The following TPD52L1 variants were observed in gnomAD, a reference collection of about 807,000 sequenced individuals.
TPD52L1 encodes tumor protein D53.
In TPD52L1, 18 loss-of-function variants were observed where a neutral mutation model predicts 28.7. The observed-to-expected ratio is 0.63, with a 90% CI of 0.43 to 0.93. TPD52L1 has a LOEUF of 0.93. Ranked by LOEUF, TPD52L1 falls within the 40% of genes least tolerant of loss-of-function variation. The probability of loss-of-function intolerance (pLI) is 0.00; values close to 1 mark genes in which losing one functional copy is unlikely to be tolerated. For missense variants in TPD52L1, 203 were observed against 254.8 expected, an observed-to-expected ratio of 0.80 and a Z score of 1.39; for synonymous variants, 75 against 88.8, an observed-to-expected ratio of 0.84 and a Z score of 0.88.
chr6:125,155,232 G>A (rs474451), intron 1 of TPD52L1, among the ~76,000 whole-genome samples: 80,789 of 152,146 alleles, frequency 0.53, 22,814 homozygotes, highest in African/African-American at 0.72. Flanking sequence ...AGGCCTTCAC[G>A]CCAGAACTGA....
In TPD52L1 at chr6:125,201,653, G is replaced by A. The variant is rs532591302; in HGVS notation, c.20-18425G>A. Among the ~76,000 whole-genome samples the A allele has an allele frequency of 9.1e-4, 139 of 152,244 alleles. No homozygotes were observed. The Middle Eastern group carries it at 0.02, about 22-fold the overall frequency. The stretch of plus-strand genomic sequence containing the variant: ...GCTCTTATCCCATTTTGGCTTCTTT[G>A]CAAATATCTTAGATGAAAAACAGTA... On this transcript the variant is annotated intron_variant, in intron 1 of 6. Coordinates refer to ENST00000534000, the MANE Select transcript of TPD52L1 (RefSeq NM_003287.4).
At chr6:125,207,518 T>G (rs1794228791) in intron 1 of TPD52L1, among the ~76,000 whole-genome samples, 1 of 152,216 alleles carries the variant, frequency 6.6e-6, no homozygotes, top group Non-Finnish European at 1.5e-5. Context: ...TTCAAATTTC[T>G]TAATAGTGAA....
At chr6:125,191,438 G>C (rs923776204) in intron 1 of TPD52L1, among the ~76,000 whole-genome samples, 1 of 152,076 alleles carries the variant, frequency 6.6e-6, no homozygotes, top group African/African-American at 2.4e-5. Context: ...CCTTTTCTTT[G>C]ATTTTGAAAG....
At chr6:125,177,131 A>C (rs555249324) in intron 1 of TPD52L1, among the ~76,000 whole-genome samples, 5 of 152,330 alleles carry the variant, frequency 3.3e-5, no homozygotes, top group South Asian at 4.1e-4. Flanking sequence ...GAGTTTTGAG[A>C]TACATTCACC....
At chr6:125,212,725 C>T (rs1363467710) in intron 1 of TPD52L1, among the ~76,000 whole-genome samples, 1 of 152,242 alleles carries the variant, frequency 6.6e-6, no homozygotes, top group Non-Finnish European at 1.5e-5. Context: ...CCCATGAATG[C>T]AGGTCTTCAT....
intron 3 of TPD52L1, among the ~76,000 whole-genome samples, chr6:125,239,441 G>A (rs1040590125): frequency 6.6e-6 from 1 of 152,176 alleles, no homozygotes; most frequent in Non-Finnish European, 1.5e-5. Context: ...TTACATGGCA[G>A]CAGGAAAGAG....
At chr6:125,238,271 G>A (rs1334372234) in intron 3 of TPD52L1, among the ~76,000 whole-genome samples, 1 of 151,986 alleles carries the variant, frequency 6.6e-6, no homozygotes, top group Non-Finnish European at 1.5e-5. Context: ...AATGATGATT[G>A]GTGTTTTTAT....
intron 1 of TPD52L1, among the ~76,000 whole-genome samples, chr6:125,187,936 T>TG (rs1216193629): frequency 2.6e-5 from 4 of 152,104 alleles, no homozygotes; most frequent in African/African-American, 4.8e-5. Flanking sequence ...AGATTTTTTT[T>TG]TTTTTAATGA....
chr6:125,226,020 C>G (rs775134813), intron 2 of TPD52L1, among the ~76,000 whole-genome samples: 5 of 152,096 alleles, frequency 3.3e-5, no homozygotes, highest in African/African-American at 4.8e-5. Context: ...AAGTAAAGAC[C>G]TCATTGTGGC....
In TPD52L1 at chr6:125,263,997, GTAGT is replaced by G. The variant is rs1330040531; in HGVS notation, c.*1040_*1043del. On this transcript the variant is annotated 3_prime_UTR_variant, in exon 7 of 7. Coordinates refer to ENST00000534000, the MANE Select transcript of TPD52L1 (RefSeq NM_003287.4). ...AATTCTCTCCAATCTACATACAGTA[GTAGT>G]TAGTCAGATAAAGGATATCCAAAAA... The G allele has an allele frequency of 2.0e-5, 3 of 152,180 alleles. No individual in the cohort carries two copies. The highest frequency in any genetic ancestry group is 6.5e-5 in the Admixed American group (1 of 15,274). The allele number at this position is 152,180 out of a possible 1,614,324, so 9.4% of individuals were successfully genotyped here. A position where few individuals can be genotyped will look rare whatever the true frequency, so the allele number is the denominator to read the frequency against.
At chr6:125,206,177 A>T (rs1794120302) in intron 1 of TPD52L1, among the ~76,000 whole-genome samples, 1 of 152,204 alleles carries the variant, frequency 6.6e-6, no homozygotes, top group African/African-American at 2.4e-5. Flanking sequence ...TACTATTAAT[A>T]GTGGTGACTC....
Position 125,254,692 on chromosome 6 carries a change from C to T in TPD52L1, c.425+937C>T, listed in dbSNP as rs76563162. Among the ~76,000 whole-genome samples, 249 of 152,302 alleles carry T rather than the reference C, an allele frequency of 1.6e-3. 1 individual carries two copies. The highest frequency in any genetic ancestry group is 0.015 in the East Asian group (78 of 5,186). On this transcript the variant is annotated intron_variant, in intron 5 of 6. Transcript: ENST00000534000. ...TTGAGACCGCCGAAGCCAAATTCTT[C>T]ATATATATAATCTTTTCCTCTGTTT...
intron 1 of TPD52L1, 106 bp downstream of exon 1, chr6:125,154,076 G>C: frequency 6.8e-7 from 1 of 1,467,414 alleles, no homozygotes; most frequent in Non-Finnish European, 9.1e-7. Flanking sequence ...TTGGTGCCGT[G>C]TTGCACATCC....
In TPD52L1 at chr6:125,257,148, C is replaced by T. The variant is rs1583028067; in HGVS notation, c.476C>T (p.Thr159Ile). ...SFEERVETTV[T>I]SLKTKVGGTN... Reference sequence around the variant, plus strand: ...GAGGAGAGGGTTGAGACAACTGTCACAAGCCTCAAGGTACAGATGAAGTGA... The same window carrying T: ...GAGGAGAGGGTTGAGACAACTGTCATAAGCCTCAAGGTACAGATGAAGTGA... Residue 159 changes from threonine to isoleucine, a missense_variant, in exon 6 of 7, where the codon ACA becomes ATA. Transcript: ENST00000534000. The T allele has an allele frequency of 6.2e-7, 1 of 1,611,660 alleles. No individual in the cohort carries two copies. Among genetic ancestry groups the T allele is most frequent in the Non-Finnish European group, 8.5e-7 (1 of 1,178,340 alleles).
intron 1 of TPD52L1, among the ~76,000 whole-genome samples, chr6:125,164,106 G>T (rs1174650019): frequency 6.6e-6 from 1 of 152,138 alleles, no homozygotes; most frequent in East Asian, 1.9e-4. Flanking sequence ...CATATCTTGA[G>T]ATTTCAATTA....
At chr6:125,208,803 G>A in intron 1 of TPD52L1, 5 of 487,666 alleles carry the variant, frequency 1.0e-5, no homozygotes, top group Non-Finnish European at 1.3e-5. Flanking sequence ...GCCTGAGAGT[G>A]GGCCAGGTGC....
At chr6:125,225,700 A>G (rs564600506) in intron 2 of TPD52L1, among the ~76,000 whole-genome samples, 3 of 152,262 alleles carry the variant, frequency 2.0e-5, no homozygotes, top group Non-Finnish European at 2.9e-5. Context: ...ATTCATTAAC[A>G]TGATTTACTT....
At chr6:125,259,295 T>A (rs888179520) in intron 6 of TPD52L1, among the ~76,000 whole-genome samples, 4 of 152,202 alleles carry the variant, frequency 2.6e-5, no homozygotes, top group Non-Finnish European at 5.9e-5. Context: ...GAAAATAAGG[T>A]TCTGCTATAA....
chr6:125,255,829 G>A (rs963081162), intron 5 of TPD52L1, among the ~76,000 whole-genome samples: 1 of 151,698 alleles, frequency 6.6e-6, no homozygotes, highest in African/African-American at 2.4e-5. Flanking sequence ...GGCAGTTGTT[G>A]CTGCTGAAAG....
Sources: gnomAD v4.1 joint callset for allele counts (sites outside exome capture counted in the v4.1 genomes callset) on GRCh38, gnomAD v4.1.1 for gene constraint, MANE v1.5 for transcripts, NCBI Gene and HGNC (gene_info 2026-07-23, HGNC 2026-07-21) for gene names.